Variants in WDHD1 observed in about 807,000 individuals in gnomAD.
WDHD1 encodes the protein WD repeat and HMG-box DNA-binding protein 1.
Under a neutral mutation model 135.4 loss-of-function variants are expected in WDHD1, and 111 were observed. The observed-to-expected ratio is 0.82, with a 90% CI of 0.70 to 0.96. The LOEUF (loss-of-function observed/expected upper bound fraction) is 0.96. WDHD1 is among the 40% of genes least tolerant of loss of function. WDHD1 has a pLI of 0.00. For synonymous variants in WDHD1, 434 were observed against 439.0 expected, an observed-to-expected ratio of 0.99 and a Z score of 0.14; for missense variants, 1,351 against 1,336.3, an observed-to-expected ratio of 1.01 and a Z score of -0.17.
intron 24 of WDHD1, 142 bp from the exon 25 acceptor site, chr14:54,944,612 GTTAC>G: frequency 2.6e-6 from 1 of 390,030 alleles, no homozygotes; most frequent in South Asian, 6.3e-5. Context: ...GTTAATTCAT[GTTAC>G]TTTTTTTTTT....
intron 16 of WDHD1, among the ~76,000 whole-genome samples, chr14:54,974,443 A>T (rs2041489567): frequency 6.6e-6 from 1 of 151,704 alleles, no homozygotes; most frequent in African/African-American, 2.4e-5. Flanking sequence ...AAAAAAAAAA[A>T]AAATTACTTC....
At chr14:55,009,142 C>T (rs1401078822) in intron 4 of WDHD1, among the ~76,000 whole-genome samples, 1 of 152,078 alleles carries the variant, frequency 6.6e-6, no homozygotes, top group Non-Finnish European at 1.5e-5. Flanking sequence ...TAAAATTTGG[C>T]ACCCAAATTT....
intron 11 of WDHD1, 95 bp downstream of exon 11, chr14:54,995,508 C>T: frequency 1.0e-6 from 1 of 999,912 alleles, no homozygotes; most frequent in Non-Finnish European, 1.4e-6. Context: ...CACTTAGCTA[C>T]ATTCTACAAA....
At chr14:54,968,395 C>T (rs893684196) in intron 16 of WDHD1, among the ~76,000 whole-genome samples, 2 of 151,916 alleles carry the variant, frequency 1.3e-5, no homozygotes, top group South Asian at 4.2e-4. Flanking sequence ...GCACTAAACA[C>T]CTATATCAAG....
intron 15 of WDHD1, among the ~76,000 whole-genome samples, chr14:54,983,595 C>G (rs962905667): frequency 6.6e-6 from 1 of 152,006 alleles, no homozygotes; most frequent in South Asian, 2.1e-4. Flanking sequence ...ATTGCTGGAA[C>G]CCGGAAGGCA....
At chr14:55,005,388 C>T in intron 7 of WDHD1, 1 of 567,244 alleles carries the variant, frequency 1.8e-6, no homozygotes, top group South Asian at 1.4e-5. Context: ...GTGAAGCAGC[C>T]AGCAACTGGA....
intron 11 of WDHD1, 43 bp from the exon 12 acceptor site, chr14:54,991,443 ATGATTTGG>A (rs1192638841): frequency 6.4e-7 from 1 of 1,560,568 alleles, no homozygotes; most frequent in South Asian, 1.1e-5. Context: ...ACGAATACCA[ATGATTTGG>A]AAAAAGGAAA....
rs186075856 is a variant in WDHD1, at chr14:54,982,582, C to T, written c.1907-886G>A. Among the ~76,000 whole-genome samples the T allele has an allele frequency of 2.7e-3, 410 of 152,180 alleles. 7 individuals are homozygous for T. Among genetic ancestry groups the T allele is most frequent in the Admixed American group, 0.022 (343 of 15,270 alleles). On this transcript the variant is annotated intron_variant, in intron 15 of 25. Transcript: ENST00000360586. Reference sequence around the variant, plus strand: ...ACTCAGGAAATCTGTGGCAAATTACCTGATTATCCCTTTTCTTATCTGTGG... The same window carrying T: ...ACTCAGGAAATCTGTGGCAAATTACTTGATTATCCCTTTTCTTATCTGTGG...
At chr14:54,968,260 A>G (rs1169470074) in intron 16 of WDHD1, among the ~76,000 whole-genome samples, 1 of 152,262 alleles carries the variant, frequency 6.6e-6, no homozygotes, top group East Asian at 1.9e-4. Context: ...ATACTCCAGA[A>G]TGACTTTTGA....
At chr14:54,996,787 A>G (rs903672768) in intron 10 of WDHD1, among the ~76,000 whole-genome samples, 49 of 152,170 alleles carry the variant, frequency 3.2e-4, no homozygotes, top group African/African-American at 1.0e-3. Context: ...TAAACTTTTT[A>G]TTTTCATTTA....
Position 55,007,231 on chromosome 14 carries a change from T to TTAA in WDHD1, c.600+48_600+49insTTA, listed in dbSNP as rs1555371802. 19 of 1,056,824 alleles carry TTAA rather than the reference T, an allele frequency of 1.8e-5. No individual in the cohort carries two copies. In the South Asian group the frequency reaches 2.4e-4, roughly 13 times the overall value. 65.5% of individuals were successfully genotyped at this position (1,056,824 alleles called of 1,614,324 possible). On this transcript the variant is annotated intron_variant, in intron 7 of 25. Coordinates refer to ENST00000360586, the MANE Select transcript of WDHD1 (RefSeq NM_007086.4). ...AGACAGAGTGAGACTCCATCTCTAA[T>TTAA]AAAAAAAAAAAAAAAAAAGAAAAGA...
chr14:54,984,146 A>C (rs1163500941), intron 15 of WDHD1, among the ~76,000 whole-genome samples: 4 of 152,234 alleles, frequency 2.6e-5, no homozygotes. Context: ...GCTATTTAAT[A>C]CTTTCAGAAA....
At chr14:54,971,518 T>C (rs1370514831) in intron 16 of WDHD1, among the ~76,000 whole-genome samples, 1 of 152,054 alleles carries the variant, frequency 6.6e-6, no homozygotes, top group Non-Finnish European at 1.5e-5. Context: ...AGGATATATC[T>C]AACCAAGGAG....
chr14:55,003,587 CTA>C (rs140023951), intron 7 of WDHD1, among the ~76,000 whole-genome samples: 8 of 143,654 alleles, frequency 5.6e-5, no homozygotes, highest in Admixed American at 2.7e-4. Flanking sequence ...GAAAAACGAA[CTA>C]TATATATATA....
chr14:54,960,676 T>G (rs191873685), intron 21 of WDHD1, among the ~76,000 whole-genome samples: 51 of 152,012 alleles, frequency 3.4e-4, no homozygotes, highest in African/African-American at 1.2e-3. Context: ...ATTTTTTTTT[T>G]TGTATTTTTA....
rs768567732 is a variant in WDHD1 at position 55,010,376 on chromosome 14, G to C, written c.274C>G (p.Arg92Gly). The stretch of plus-strand genomic sequence containing the variant: ...ACATGGTTTGCATTTGTAGTGAAGC[G>C]AGTCAATATACCATCTGGAACTCCT... ...PEGVPDGILTRFTTNANHVVF... is the reference protein window; with the variant it reads ...PEGVPDGILTGFTTNANHVVF... Residue 92 changes from arginine (R) to glycine (G), a missense_variant, in exon 4 of 26, where the codon CGC becomes GGC. Around this residue, in one of 2 missense-constraint regions of WDHD1, gnomAD observed 1,330 missense variants for 1,296.1 expected, o/e 1.03. Transcript: ENST00000360586. 33 of 1,613,368 alleles carry C rather than the reference G, an allele frequency of 2.0e-5. No homozygotes were observed. Among genetic ancestry groups the C allele is most frequent in the Non-Finnish European group, 2.7e-5 (32 of 1,179,742 alleles).
At chr14:55,017,970 T>C (rs1386695371) in intron 2 of WDHD1, among the ~76,000 whole-genome samples, 2 of 151,822 alleles carry the variant, frequency 1.3e-5, no homozygotes, top group Non-Finnish European at 2.9e-5. Context: ...GAAAAACTAC[T>C]AGACCTCCTG....
At chr14:55,026,321 T>A (rs2042439971) in intron 2 of WDHD1, among the ~76,000 whole-genome samples, 1 of 150,660 alleles carries the variant, frequency 6.6e-6, no homozygotes, top group African/African-American at 2.4e-5. Context: ...GTCAAAAAGT[T>A]AAAAAAAAAT....
intron 18 of WDHD1, among the ~76,000 whole-genome samples, chr14:54,965,324 G>A (rs1443029073): frequency 6.6e-6 from 1 of 152,120 alleles, no homozygotes; most frequent in Non-Finnish European, 1.5e-5. Context: ...GGAACTTTAA[G>A]ACACCCTGCT....
Sources: gnomAD v4.1 joint callset for allele counts (sites outside exome capture counted in the v4.1 genomes callset) on GRCh38, gnomAD v4.1.1 for gene constraint, gnomAD v4.1.1 regional missense constraint, MANE v1.5 for transcripts, NCBI Gene and HGNC (gene_info 2026-07-23, HGNC 2026-07-21) for gene names.